PCDH15: variants seen among roughly 807,000 people sequenced by gnomAD.
The protein encoded by PCDH15 is protocadherin related 15.
PCDH15 carries 129 observed loss-of-function variants against 178.5 expected under a neutral mutation model. The ratio of observed to expected loss-of-function variants is 0.72; its 90% confidence interval spans 0.63 to 0.84. The LOEUF is 0.84. Ranked by LOEUF, PCDH15 falls within the 40% of genes least tolerant of loss-of-function variation. The probability of loss-of-function intolerance (pLI) is 0.00; values close to 1 mark genes in which losing one functional copy is unlikely to be tolerated. For synonymous variants in PCDH15, 800 were observed against 732.0 expected (o/e 1.09, Z -1.50); for missense variants, 2,230 against 2,099.9 (o/e 1.06, Z -1.21).
rs1016472656 is a variant in PCDH15, at chr10:55,376,640, T to A, written c.-155-209989A>T. On this transcript the variant is annotated intron_variant, in intron 2 of 5. Transcript: ENST00000613346. ...CCCTTTAATAATTAACATTTTGATCTTATTGGCTTATTTCAACTAAAATTT... is the reference window on the plus strand; with the variant it reads ...CCCTTTAATAATTAACATTTTGATCATATTGGCTTATTTCAACTAAAATTT... 2.0e-5 allele frequency among the ~76,000 whole-genome samples: 3 copies of A among 152,244 alleles called. No homozygotes were observed. The East Asian group carries it at 5.8e-4, about 29-fold the overall frequency.
intron 35 of PCDH15, 155 bp from the exon 36 acceptor site, chr10:53,811,774 C>T (rs2075872771): frequency 2.1e-6 from 1 of 466,986 alleles, no homozygotes; most frequent in Admixed American, 4.1e-5. Context: ...TAAAATTACT[C>T]TATTTAAAAG....
chr10:54,891,491 CT>C lies in PCDH15; in HGVS notation c.-29+5958del, dbSNP rs376812904. On this transcript the variant is annotated intron_variant, in intron 3 of 5. Transcript: ENST00000458638. ...TAAAAGTGTGGTCTCTTCTTCTAGC[CT>C]ACAACATTTGTGAGAAGAAAACTTA... Among the ~76,000 whole-genome samples the C allele has an allele frequency of 1.7e-4, 26 of 152,146 alleles. No homozygotes were observed. In the East Asian group the frequency reaches 4.5e-3, roughly 26 times the overall value.
rs567959630 is a variant in PCDH15, at chr10:55,098,222, G to A, written c.-80+68354C>T. Among the ~76,000 whole-genome samples the A allele has an allele frequency of 2.7e-4, 41 of 152,206 alleles. 1 individual carries two copies. The highest frequency in any genetic ancestry group is 8.4e-4 in the African/African-American group (35 of 41,556). On this transcript the variant is annotated intron_variant, in intron 2 of 5. Coordinates refer to the PCDH15 transcript ENST00000458638. ...TGTATTATCAATCTCATTTCCAGACGAGGAAATTAAGACACAGAAAGTTGA... is the reference window on the plus strand; with the variant it reads ...TGTATTATCAATCTCATTTCCAGACAAGGAAATTAAGACACAGAAAGTTGA...
intron 18 of PCDH15, among the ~76,000 whole-genome samples, chr10:54,045,552 C>A (rs937060830): frequency 6.6e-6 from 1 of 151,932 alleles, no homozygotes; most frequent in Non-Finnish European, 1.5e-5. Flanking sequence ...GACTAATAAA[C>A]CAACACAATA....
At chr10:54,636,209 C>T (rs2093849780) in intron 2 of PCDH15, among the ~76,000 whole-genome samples, 2 of 151,868 alleles carry the variant, frequency 1.3e-5, no homozygotes, top group South Asian at 4.2e-4. Flanking sequence ...GCACCATCAC[C>T]ATTAGCAAAT....
At chr10:54,023,991 A>T (rs766707754) in intron 18 of PCDH15, among the ~76,000 whole-genome samples, 39 of 152,248 alleles carry the variant, frequency 2.6e-4, no homozygotes, top group East Asian at 9.7e-4. Context: ...TTAAAACTAC[A>T]GTAACTGTAA....
intron 2 of PCDH15, among the ~76,000 whole-genome samples, chr10:55,132,660 C>A (rs1439118700): frequency 1.3e-5 from 2 of 152,092 alleles, no homozygotes; most frequent in Non-Finnish European, 2.9e-5. Context: ...CATGGAAATA[C>A]AAATCCAAGT....
intron 2 of PCDH15, among the ~76,000 whole-genome samples, chr10:55,099,068 T>C (rs1185041404): frequency 6.6e-6 from 1 of 152,070 alleles, no homozygotes; most frequent in Non-Finnish European, 1.5e-5. Context: ...TGATGCTGAT[T>C]CAGTTTTAGT....
chr10:53,823,905 C>T (rs2076490407), intron 32 of PCDH15: 2 of 392,236 alleles, frequency 5.1e-6, no homozygotes, highest in Non-Finnish European at 1.1e-5. Context: ...GAGTTTGTCT[C>T]ACAGCCCAAA....
At chr10:55,442,765 T>C (rs1361493579) in intron 2 of PCDH15, among the ~76,000 whole-genome samples, 2 of 151,908 alleles carry the variant, frequency 1.3e-5, no homozygotes, top group African/African-American at 4.8e-5. Flanking sequence ...TGTTCTATTC[T>C]TTCTACTTTT....
At chr10:54,975,591 C>T (rs1005619598) in intron 2 of PCDH15, among the ~76,000 whole-genome samples, 6 of 151,966 alleles carry the variant, frequency 3.9e-5, no homozygotes, top group African/African-American at 1.5e-4. Context: ...GCAGAGAAGG[C>T]TTTCTAGGAG....
chr10:54,721,767 C>G (rs552814028), intron 1 of PCDH15, among the ~76,000 whole-genome samples: 15 of 151,886 alleles, frequency 9.9e-5, no homozygotes, highest in South Asian at 4.1e-4. Flanking sequence ...CAGAAAGATT[C>G]AAAGCCAAAT....
At chr10:53,822,894 T>TTTTCA in intron 32 of PCDH15, 1 of 1,614,122 alleles carries the variant, frequency 6.2e-7, no homozygotes, top group Non-Finnish European at 8.5e-7. Flanking sequence ...GATTCCAGTG[T>TTTTCA]TTTCATTTTC....
chr10:55,561,487 T>A (rs1842198502), intron 2 of PCDH15, among the ~76,000 whole-genome samples: 1 of 151,894 alleles, frequency 6.6e-6, no homozygotes, highest in Admixed American at 6.6e-5. Context: ...TGAATGATAA[T>A]AATATTTTTT....
At chr10:53,820,359 T>G (rs1329332028) in intron 32 of PCDH15, 129 bp from the exon 33 acceptor site, 1 of 390,262 alleles carries the variant, frequency 2.6e-6, no homozygotes, top group Non-Finnish European at 4.5e-6. Context: ...TACAGATTGT[T>G]TTCTGTCTGA....
intron 35 of PCDH15, among the ~76,000 whole-genome samples, chr10:53,812,755 A>C (rs2075917119): frequency 6.6e-6 from 1 of 152,212 alleles, no homozygotes; most frequent in African/African-American, 2.4e-5. Context: ...AAGGTTAACC[A>C]AATTCATTTC....
intron 2 of PCDH15, among the ~76,000 whole-genome samples, chr10:55,414,770 GGTGTGT>G (rs71014486): frequency 0.22 from 33,002 of 146,816 alleles, 4,100 homozygotes; most frequent in Non-Finnish European, 0.29. Context: ...TCTAACAAGG[GGTGTGT>G]GTGTGTGTGT....
At chr10:54,893,547 T>C (rs1158233457) in intron 3 of PCDH15, among the ~76,000 whole-genome samples, 1 of 152,050 alleles carries the variant, frequency 6.6e-6, no homozygotes, top group East Asian at 1.9e-4. Flanking sequence ...GGTTAGTGTG[T>C]ATGTGTTTCG....
At chr10:54,882,588 C>A (rs1954283894) in intron 3 of PCDH15, among the ~76,000 whole-genome samples, 1 of 152,036 alleles carries the variant, frequency 6.6e-6, no homozygotes, top group Admixed American at 6.6e-5. Context: ...GAATCTCATT[C>A]TTTCTAATAA....
Sources: allele counts gnomAD v4.1 joint callset (sites outside exome capture counted in the v4.1 genomes callset), GRCh38; gene constraint gnomAD v4.1.1; transcripts MANE v1.5; gene names NCBI Gene and HGNC (gene_info 2026-07-23, HGNC 2026-07-21).